The following CEP192 variants were observed in gnomAD, a reference collection of about 807,000 sequenced individuals.
The protein encoded by CEP192 is centrosomal protein 192, also known as centrosomal protein of 192 kDa.
Under a neutral mutation model 271.8 loss-of-function variants are expected in CEP192, and 151 were observed. The observed-to-expected ratio is 0.56, with a 90% CI of 0.49 to 0.64. The LOEUF (loss-of-function observed/expected upper bound fraction) is 0.64. Ranked by LOEUF, CEP192 falls within the 30% of genes least tolerant of loss-of-function variation. The pLI is 0.00. For synonymous variants in CEP192, 995 were observed against 1,076.5 expected, an observed-to-expected ratio of 0.92 and a Z score of 1.48; for missense variants, 2,910 against 3,020.5, an observed-to-expected ratio of 0.96 and a Z score of 0.86.
At chr18:13,015,494 C>T (rs1477231763) in intron 6 of CEP192, 46 bp downstream of exon 6, 2 of 1,536,822 alleles carry the variant, frequency 1.3e-6, no homozygotes, top group African/African-American at 2.8e-5. Context: ...CCTTGCCACT[C>T]CACTTTATTC....
At position 13,029,945 on chromosome 18, in the gene CEP192, C is replaced by A. The variant is rs1031385807; in HGVS notation, c.1333C>A (p.Pro445Thr). Residue 445 changes from proline to threonine, a missense_variant, in exon 10 of 45, where the codon CCA (proline) becomes ACA (threonine). Physicochemically the swap from Pro to Thr is conservative, Grantham distance 38. Coordinates refer to ENST00000506447, the MANE Select transcript of CEP192 (RefSeq NM_032142.4). ...TAATTTCACTGATGCCATTTGGTCA[C>A]CAACTTGTGAAAGGCGAACATGTGA... ...GINFTDAIWS[P>T]TCERRTCECH... The A allele has an allele frequency of 7.7e-6, 12 of 1,551,392 alleles. No homozygotes were observed. The highest frequency in any genetic ancestry group is 3.9e-5 in the Admixed American group (2 of 50,978).
chr18:13,094,846 C>A (rs2039314911), intron 34 of CEP192, among the ~76,000 whole-genome samples: 1 of 152,190 alleles, frequency 6.6e-6, no homozygotes. Context: ...CACATTTATA[C>A]CCTTTTCTCC....
chr18:13,051,750 A>T (rs1036515598), intron 17 of CEP192, among the ~76,000 whole-genome samples: 1 of 152,084 alleles, frequency 6.6e-6, no homozygotes, highest in African/African-American at 2.4e-5. Flanking sequence ...TCACCGTGTT[A>T]AACGGGATGG....
chr18:13,088,685 C>A, intron 32 of CEP192: 2 of 229,736 alleles, frequency 8.7e-6, no homozygotes, highest in Non-Finnish European at 1.8e-5. Context: ...TCCTTCTGAC[C>A]CTTTGTGCTT....
intron 1 of CEP192, among the ~76,000 whole-genome samples, chr18:12,998,486 G>T (rs1404856697): frequency 1.3e-5 from 2 of 152,168 alleles, no homozygotes; most frequent in Admixed American, 1.3e-4. Context: ...TTCTTCACCT[G>T]TAAAATGGGA....
intron 4 of CEP192, among the ~76,000 whole-genome samples, chr18:13,012,007 G>T (rs2034388101): frequency 6.6e-6 from 1 of 152,204 alleles, no homozygotes; most frequent in Non-Finnish European, 1.5e-5. Context: ...TTTAATACAG[G>T]TGAGCCTTGA....
chr18:13,072,861 G>A lies in CEP192; in HGVS notation c.5439+16G>A. 1 of 1,589,732 alleles carries A rather than the reference G, an allele frequency of 6.3e-7. No individual in the cohort carries two copies. The highest frequency in any genetic ancestry group is 1.1e-5 in the South Asian group (1 of 90,522). ...CTGCTTTCAGGTTCGTAGAGTACGTGGATTCTTGTTATGTCTTCTGTCTGG... is the reference window on the plus strand; with the variant it reads ...CTGCTTTCAGGTTCGTAGAGTACGTAGATTCTTGTTATGTCTTCTGTCTGG... On this transcript the variant is annotated intron_variant, in intron 29 of 44. Transcript: ENST00000506447.
intron 1 of CEP192, among the ~76,000 whole-genome samples, chr18:12,993,306 G>A (rs895416624): frequency 6.6e-6 from 1 of 152,064 alleles, no homozygotes; most frequent in African/African-American, 2.4e-5. Context: ...TATTGCATTC[G>A]GGGGTAAGGT....
At chr18:13,057,088 C>T (rs530587377) in intron 19 of CEP192, among the ~76,000 whole-genome samples, 1 of 152,278 alleles carries the variant, frequency 6.6e-6, no homozygotes, top group African/African-American at 2.4e-5. Flanking sequence ...GGGGCAGCTT[C>T]TCTCTGGGAG....
At chr18:13,070,292 C>A (rs1046156293) in intron 27 of CEP192, among the ~76,000 whole-genome samples, 1 of 152,186 alleles carries the variant, frequency 6.6e-6, no homozygotes, top group Non-Finnish European at 1.5e-5. Context: ...TCTGTTTAAT[C>A]TCCTTTCATT....
Position 13,029,865 on chromosome 18 carries a change from C to A in CEP192, c.1253C>A (p.Ser418Tyr), listed in dbSNP as rs1205799313. The A allele has an allele frequency of 1.3e-6, 2 of 1,551,514 alleles. No homozygotes were observed. Among genetic ancestry groups the A allele is most frequent in the African/African-American group, 2.7e-5 (2 of 73,040 alleles). Residue 418 changes from serine to tyrosine, a missense_variant, in exon 10 of 45, where the codon TCC (serine) becomes TAC (tyrosine). By Grantham distance (144) the Ser-to-Tyr change is moderately radical (BLOSUM62 -2). Coordinates refer to ENST00000506447, the MANE Select transcript of CEP192 (RefSeq NM_032142.4). ...GCLDTETPTV[S>Y]IQENVDVASL... ...TTAGACACTGAGACTCCTACGGTGT[C>A]CATTCAAGAAAATGTGGATGTAGCC...
rs1009825676 is a variant in CEP192 at position 13,038,646 on chromosome 18, A to G, written c.1809+67A>G. 1.4e-5 allele frequency: 17 copies of G among 1,197,516 alleles called. No individual in the cohort carries two copies. In the African/African-American group the frequency reaches 2.4e-4, roughly 17 times the overall value. 74.2% of individuals were successfully genotyped at this position (1,197,516 alleles called of 1,614,324 possible). A position where few individuals can be genotyped will look rare whatever the true frequency, so the allele number is the denominator to read the frequency against. On this transcript the variant is annotated intron_variant, in intron 13 of 44. Coordinates refer to ENST00000506447, the MANE Select transcript of CEP192 (RefSeq NM_032142.4). ...TTTAGATTTTGAGTATTATGATGGC[A>G]CAGTGACTTTAAAATGGAGATAGAA...
chr18:13,040,931 T>A lies in CEP192; in HGVS notation c.1911T>A (p.Ala637=). The change falls in exon 14 of 45, where the codon GCT becomes GCA. Residue 637 remains alanine, a synonymous_variant. Coordinates refer to ENST00000506447, the MANE Select transcript of CEP192 (RefSeq NM_032142.4). ...GAGGTAATTTGGAAAAAGAAATGGCTCATCTTAACCATGATCTATATTCAG... is the reference window on the plus strand; with the variant it reads ...GAGGTAATTTGGAAAAAGAAATGGCACATCTTAACCATGATCTATATTCAG... ...VSRGNLEKEM[A]HLNHDLYSGD... 5 of 1,611,890 alleles carry A rather than the reference T, an allele frequency of 3.1e-6. No homozygotes were observed. The highest frequency in any genetic ancestry group is 4.2e-6 in the Non-Finnish European group (5 of 1,178,814).
At chr18:13,081,482 T>A (rs1441416436) in intron 30 of CEP192, among the ~76,000 whole-genome samples, 1 of 152,216 alleles carries the variant, frequency 6.6e-6, no homozygotes, top group East Asian at 1.9e-4. Context: ...GGTGGTGATA[T>A]CCCCTTTACC....
rs2037916663 is a variant in CEP192, at chr18:13,069,851, G to A, written c.5169G>A (p.Glu1723=). 6.4e-7 allele frequency: 1 copy of A among 1,559,182 alleles called. No individual in the cohort carries two copies. Among genetic ancestry groups the A allele is most frequent in the Non-Finnish European group, 8.8e-7 (1 of 1,130,902 alleles). ...CTCCAAAGGATCCTGAAGCCTGCGA[G>A]GAAAGGTAATATAAAAATGTTATAA... ...SFTPKDPEAC[E]ERILKIFVQP... The change falls in exon 27 of 45, where the codon GAG becomes GAA. Residue 1723 remains glutamate (E), a synonymous_variant. Transcript: ENST00000506447.
chr18:13,088,517 T>G (rs1480978905), intron 32 of CEP192, among the ~76,000 whole-genome samples: 10 of 152,206 alleles, frequency 6.6e-5, no homozygotes, highest in Non-Finnish European at 1.5e-4. Context: ...TTTAGGATGT[T>G]GATTTAAGTT....
At chr18:12,999,835 T>G (rs953076020) in intron 2 of CEP192, among the ~76,000 whole-genome samples, 2 of 116,496 alleles carry the variant, frequency 1.7e-5, no homozygotes, top group African/African-American at 8.8e-5. Flanking sequence ...TCTATTTTTT[T>G]TTTTTTTTTT....
intron 11 of CEP192, among the ~76,000 whole-genome samples, chr18:13,033,865 T>G (rs955498912): frequency 6.6e-6 from 1 of 152,198 alleles, no homozygotes; most frequent in African/African-American, 2.4e-5. Context: ...TACAGATATT[T>G]GTAAATACAT....
At chr18:13,119,835 A>C (rs2040585258) in intron 44 of CEP192, among the ~76,000 whole-genome samples, 1 of 152,242 alleles carries the variant, frequency 6.6e-6, no homozygotes, top group Non-Finnish European at 1.5e-5. Context: ...ACCAACTTTA[A>C]AAAAACAATA....
Sources: allele counts gnomAD v4.1 joint callset (sites outside exome capture counted in the v4.1 genomes callset), GRCh38; gene constraint gnomAD v4.1.1; transcripts MANE v1.5; gene names NCBI Gene and HGNC (gene_info 2026-07-23, HGNC 2026-07-21).